MYH10: variants seen among roughly 807,000 people sequenced by gnomAD.
MYH10 encodes myosin heavy chain 10, also known as myosin-10.
A neutral mutation model predicts 257.8 loss-of-function variants in MYH10; 55 were observed. The ratio of observed to expected loss-of-function variants is 0.21; its 90% confidence interval spans 0.17 to 0.27. The LOEUF is 0.27. Among genes scored for constraint, MYH10 ranks in the 10% least tolerant of loss-of-function variants. The probability of loss-of-function intolerance (pLI) is 1.00; values close to 1 mark genes in which losing one functional copy is unlikely to be tolerated. For synonymous variants in MYH10, 854 were observed against 921.7 expected (o/e 0.93, Z 1.33); for missense variants, 1,631 against 2,500.6 (o/e 0.65, Z 7.42).
chr17:8,546,888 C>CTGCCT (rs2082462402), intron 11 of MYH10, among the ~76,000 whole-genome samples: 2 of 152,194 alleles, frequency 1.3e-5, no homozygotes, highest in Admixed American at 1.3e-4. Context: ...CAGCATTTGA[C>CTGCCT]TGCCTTGCCT....
intron 3 of MYH10, among the ~76,000 whole-genome samples, chr17:8,590,585 T>A (rs1193151587): frequency 6.6e-6 from 1 of 152,022 alleles, no homozygotes; most frequent in Admixed American, 6.5e-5. Context: ...GTGTTGGGAT[T>A]ACAGGTGTGA....
chr17:8,571,638 C>CG (rs151050059), intron 6 of MYH10, among the ~76,000 whole-genome samples: 1,930 of 151,348 alleles, frequency 0.013, 35 homozygotes, highest in African/African-American at 0.045. Context: ...AAAAATTAGC[C>CG]GGGTGTGGTG....
chr17:8,498,240 C>G (rs1184358115), intron 30 of MYH10, among the ~76,000 whole-genome samples: 1 of 151,940 alleles, frequency 6.6e-6, no homozygotes, highest in Admixed American at 6.6e-5. Context: ...CCCACCTCAG[C>G]CTCCCATAGT....
intron 17 of MYH10, among the ~76,000 whole-genome samples, chr17:8,525,421 A>G (rs553820544): frequency 1.3e-5 from 2 of 152,348 alleles, no homozygotes; most frequent in East Asian, 1.9e-4. Context: ...TGGCCCCCCA[A>G]CCATCAGCGG....
chr17:8,510,100 GC>G, intron 24 of MYH10, 151 bp from the exon 25 acceptor site: 2 of 731,770 alleles, frequency 2.7e-6, no homozygotes, highest in Non-Finnish European at 3.9e-6. Flanking sequence ...GTGCAGTGGT[GC>G]CACCTCGGCT....
intron 41 of MYH10, 22 bp downstream of exon 41, chr17:8,478,316 A>G: frequency 6.2e-7 from 1 of 1,601,196 alleles, no homozygotes; most frequent in South Asian, 1.1e-5. Flanking sequence ...CGCGCTTCCC[A>G]GGGAGGCACT....
intron 1 of MYH10, among the ~76,000 whole-genome samples, chr17:8,625,151 T>C (rs2085624712): frequency 6.6e-6 from 1 of 152,182 alleles, no homozygotes; most frequent in Admixed American, 6.6e-5. Context: ...CTCAGGAGGC[T>C]GAGGCAGGAG....
intron 26 of MYH10, among the ~76,000 whole-genome samples, chr17:8,507,458 T>C (rs1344252852): frequency 6.6e-6 from 1 of 152,214 alleles, no homozygotes; most frequent in African/African-American, 2.4e-5. Context: ...GAAGCTGTAA[T>C]GTCCTAGGAT....
rs1315945754 is a variant in MYH10 at position 8,492,964 on chromosome 17, C to T, written c.4270G>A (p.Ala1424Thr). 2 of 1,614,128 alleles carry T rather than the reference C, an allele frequency of 1.2e-6. No homozygotes were observed. The highest frequency in any genetic ancestry group is 8.5e-7 in the Non-Finnish European group (1 of 1,180,016). The change falls in exon 33 of 43, where the codon GCC becomes ACC. Residue 1424 changes from alanine (A) to threonine (T), a missense_variant. Physicochemically the swap from Ala to Thr is moderately conservative, Grantham distance 58. Around this residue, in one of 11 missense-constraint regions of MYH10, gnomAD observed 463 missense variants for 621.8 expected, o/e 0.74. Coordinates refer to ENST00000360416, the MANE Select transcript of MYH10 (RefSeq NM_001256012.3). The part of the protein sequence containing the change: ...DLGTIESLEE[A>T]KKKLLKDAEA... ...GCGTCCTTCAGAAGCTTCTTCTTGG[C>T]TTCTTCCAGACTTTCAATTGTTCCC... is the stretch of plus-strand genomic sequence containing the variant.
intron 40 of MYH10, among the ~76,000 whole-genome samples, chr17:8,479,337 A>C (rs1266888850): frequency 6.6e-6 from 1 of 152,202 alleles, no homozygotes; most frequent in African/African-American, 2.4e-5. Flanking sequence ...AGGAGAGGTA[A>C]CTTATTTGGA....
chr17:8,527,643 G>C (rs1424668183), intron 17 of MYH10, among the ~76,000 whole-genome samples: 1 of 152,240 alleles, frequency 6.6e-6, no homozygotes, highest in African/African-American at 2.4e-5. Context: ...AGCTGCTGCA[G>C]ATGCAGCCAC....
At chr17:8,518,104 CGTGTGTGTGTGTGT>C (rs58352961) in intron 21 of MYH10, among the ~76,000 whole-genome samples, 62 of 116,580 alleles carry the variant, frequency 5.3e-4, no homozygotes, top group East Asian at 2.6e-3. Context: ...CCCTTGGCCC[CGTGTGTGTGTGTGT>C]GTGTGTGTGT....
intron 17 of MYH10, among the ~76,000 whole-genome samples, chr17:8,530,342 C>T (rs1009545217): frequency 6.6e-6 from 1 of 152,098 alleles, no homozygotes. Flanking sequence ...TTTTAATATG[C>T]GGTGCTATAA....
intron 21 of MYH10, among the ~76,000 whole-genome samples, chr17:8,515,852 C>T (rs534400300): frequency 6.6e-6 from 1 of 152,110 alleles, no homozygotes; most frequent in Non-Finnish European, 1.5e-5. Context: ...CCGGGATTGG[C>T]CAAGTCTTAA....
intron 27 of MYH10, among the ~76,000 whole-genome samples, 158 bp from the exon 28 acceptor site, chr17:8,505,064 G>C (rs1348335400): frequency 1.3e-5 from 2 of 152,114 alleles, no homozygotes; most frequent in African/African-American, 2.4e-5. Context: ...GCACCTGCTA[G>C]GGCAGGAGGA....
intron 21 of MYH10, among the ~76,000 whole-genome samples, chr17:8,518,175 C>T (rs1597719761): frequency 6.8e-6 from 1 of 146,536 alleles, no homozygotes; most frequent in South Asian, 2.2e-4. Context: ...CTTTGTCACC[C>T]AGGCTGGCAT....
chr17:8,487,657 C>G (rs772144115), intron 35 of MYH10, 63 bp from the exon 36 acceptor site: 23 of 1,598,190 alleles, frequency 1.4e-5, no homozygotes, highest in Non-Finnish European at 2.0e-5. Context: ...AACAGGCAGA[C>G]TGTTCTCAAG....
chr17:8,626,949 A>T (rs1231087569), intron 1 of MYH10, among the ~76,000 whole-genome samples: 1 of 152,208 alleles, frequency 6.6e-6, no homozygotes, highest in Admixed American at 6.5e-5. Context: ...CTTCTAGAAC[A>T]GGTCTAGAAG....
chr17:8,600,629 C>A (rs905085081), intron 3 of MYH10, among the ~76,000 whole-genome samples: 26 of 152,100 alleles, frequency 1.7e-4, no homozygotes, highest in Non-Finnish European at 3.7e-4. Context: ...AATGGCAAGG[C>A]TTGAGGCAGA....
Sources: allele counts gnomAD v4.1 joint callset (sites outside exome capture counted in the v4.1 genomes callset), GRCh38; gene constraint gnomAD v4.1.1; regional missense constraint gnomAD v4.1.1; transcripts MANE v1.5; gene names NCBI Gene and HGNC (gene_info 2026-07-23, HGNC 2026-07-21).